Variants in FSTL5 observed in about 807,000 individuals in gnomAD.
FSTL5 encodes follistatin-related protein 5.
A neutral mutation model predicts 89.1 loss-of-function variants in FSTL5; 62 were observed. That is an observed-to-expected ratio of 0.70 (90% CI 0.57 to 0.86). The LOEUF (loss-of-function observed/expected upper bound fraction) is 0.86, where lower values mean the gene tolerates loss of function less well. FSTL5 is among the 40% of genes least tolerant of loss of function. The probability of loss-of-function intolerance (pLI) is 0.00; values close to 1 mark genes in which losing one functional copy is unlikely to be tolerated. For synonymous variants in FSTL5, 383 were observed against 346.2 expected, an observed-to-expected ratio of 1.11 and a Z score of -1.18; for missense variants, 1,057 against 1,001.6, an observed-to-expected ratio of 1.06 and a Z score of -0.75.
At chr4:161,466,872 TTA>T (rs1355977334) in intron 13 of FSTL5, among the ~76,000 whole-genome samples, 3 of 152,108 alleles carry the variant, frequency 2.0e-5, no homozygotes, top group African/African-American at 7.2e-5. Flanking sequence ...TAATAATTTA[TTA>T]TAGTTTTTAA....
chr4:161,479,480 T>C (rs1398848256), intron 13 of FSTL5, among the ~76,000 whole-genome samples: 1 of 152,100 alleles, frequency 6.6e-6, no homozygotes, highest in Admixed American at 6.6e-5. Context: ...ATTTCTAAAA[T>C]ATATTTCCAA....
intron 10 of FSTL5, 99 bp downstream of exon 10, chr4:161,538,067 G>T: frequency 9.4e-7 from 1 of 1,059,090 alleles, no homozygotes; most frequent in Non-Finnish European, 1.4e-6. Context: ...AATGCATTGT[G>T]CAATTCACAG....
intron 1 of FSTL5, among the ~76,000 whole-genome samples, chr4:162,160,184 T>C (rs1222892170): frequency 2.7e-5 from 4 of 149,176 alleles, no homozygotes; most frequent in African/African-American, 1.0e-4. Context: ...ACTTATACTA[T>C]TATTTAATTC....
rs930484589 is a variant in FSTL5, at chr4:161,927,099, T to C, written c.161-6447A>G. On this transcript the variant is annotated intron_variant, in intron 3 of 15. Coordinates refer to ENST00000306100, the MANE Select transcript of FSTL5 (RefSeq NM_020116.5). ...TTGAGTGACACTCAGAAAAAAGTGATTTTTTTGCTAAATAGTTAGCTGCCA... is the reference window on the plus strand; with the variant it reads ...TTGAGTGACACTCAGAAAAAAGTGACTTTTTTGCTAAATAGTTAGCTGCCA... Among the ~76,000 whole-genome samples, 34 of 151,916 alleles carry C rather than the reference T, an allele frequency of 2.2e-4. No individual in the cohort carries two copies. In the East Asian group the frequency reaches 6.4e-3, roughly 29 times the overall value.
intron 7 of FSTL5, among the ~76,000 whole-genome samples, chr4:161,622,176 A>G (rs1735155729): frequency 6.6e-6 from 1 of 152,144 alleles, no homozygotes; most frequent in Admixed American, 6.5e-5. Context: ...TTCAAGTTAA[A>G]CCAATAAACA....
rs147601161 is a variant in FSTL5, at chr4:162,040,869, C to T, written c.127-7211G>A. Among the ~76,000 whole-genome samples the T allele has an allele frequency of 8.6e-4, 130 of 151,752 alleles. 1 individual carries two copies. Among genetic ancestry groups the T allele is most frequent in the African/African-American group, 2.7e-3 (111 of 41,392 alleles). The stretch of plus-strand genomic sequence containing the variant: ...TCACTACTTCTAAGAATAATATATG[C>T]TTGTCCATTGTCTGTTCCTCCCACT... On this transcript the variant is annotated intron_variant, in intron 2 of 15. Transcript: ENST00000306100.
chr4:161,573,430 A>AG lies in FSTL5; in HGVS notation c.1015+14024_1015+14025insC, dbSNP rs1275432145. 6.3e-5 allele frequency among the ~76,000 whole-genome samples: 9 copies of AG among 142,268 alleles called. No individual in the cohort carries two copies. In the East Asian group the frequency reaches 8.4e-4, roughly 13 times the overall value. The allele number at this position is 142,268 out of a possible 152,430, so 93.3% of individuals were successfully genotyped here. A position where few individuals can be genotyped will look rare whatever the true frequency, so the allele number is the denominator to read the frequency against. On this transcript the variant is annotated intron_variant, in intron 8 of 15. Coordinates refer to ENST00000306100, the MANE Select transcript of FSTL5 (RefSeq NM_020116.5). Reference sequence around the variant, plus strand: ...ACCCTGTCAAAAAAAAAAAAAAAAAAAGAGAGAGAGAGATAAAAGAAAATA... The same window carrying AG: ...ACCCTGTCAAAAAAAAAAAAAAAAAAGAGAGAGAGAGAGATAAAAGAAAATA...
chr4:161,977,697 T>A (rs2111037410), intron 3 of FSTL5, among the ~76,000 whole-genome samples: 1 of 146,122 alleles, frequency 6.8e-6, no homozygotes, highest in Admixed American at 6.8e-5. Context: ...TGGCTAAAAA[T>A]AATTTGTTTT....
At chr4:162,053,282 G>A (rs1412159041) in intron 2 of FSTL5, among the ~76,000 whole-genome samples, 1 of 151,774 alleles carries the variant, frequency 6.6e-6, no homozygotes, top group African/African-American at 2.4e-5. Context: ...TGTAACCACA[G>A]TATGTCCTCT....
intron 3 of FSTL5, among the ~76,000 whole-genome samples, chr4:162,002,661 C>T (rs1736498455): frequency 6.6e-6 from 1 of 152,178 alleles, no homozygotes; most frequent in Admixed American, 6.5e-5. Context: ...AAAACAATAG[C>T]TCCAATCTAC....
At chr4:161,761,488 T>G (rs1740802259) in intron 5 of FSTL5, among the ~76,000 whole-genome samples, 1 of 152,232 alleles carries the variant, frequency 6.6e-6, no homozygotes, top group Non-Finnish European at 1.5e-5. Flanking sequence ...TTTTAATGAC[T>G]TTTAGTCTCT....
intron 15 of FSTL5, among the ~76,000 whole-genome samples, chr4:161,403,700 C>T (rs1731262202): frequency 6.6e-6 from 1 of 152,004 alleles, no homozygotes; most frequent in South Asian, 2.1e-4. Context: ...AATCATATGC[C>T]AAAAATATGG....
At chr4:161,738,746 G>C (rs994065924) in intron 6 of FSTL5, among the ~76,000 whole-genome samples, 2 of 151,888 alleles carry the variant, frequency 1.3e-5, no homozygotes, top group African/African-American at 4.8e-5. Flanking sequence ...AATCAAAACT[G>C]TTTGGCTTAA....
Position 162,071,532 on chromosome 4 carries a change from A to C in FSTL5, c.127-37874T>G, listed in dbSNP as rs570526719. Among the ~76,000 whole-genome samples the C allele has an allele frequency of 3.3e-5, 5 of 151,930 alleles. No individual in the cohort carries two copies. In the South Asian group the frequency reaches 6.2e-4, roughly 19 times the overall value. On this transcript the variant is annotated intron_variant, in intron 2 of 15. Coordinates refer to ENST00000306100, the MANE Select transcript of FSTL5 (RefSeq NM_020116.5). ...AGAGCTAAAGGAAGGAATAGACTCC[A>C]ATACAATAAGAGTTTAGGACTTCAA... is the stretch of plus-strand genomic sequence containing the variant.
chr4:161,927,635 C>CT (rs1491280473), intron 3 of FSTL5, among the ~76,000 whole-genome samples: 1 of 151,324 alleles, frequency 6.6e-6, no homozygotes, highest in Admixed American at 6.6e-5. Context: ...TTACAATATA[C>CT]TTTTTTCCTT....
At chr4:161,527,170 T>C (rs1278539153) in intron 10 of FSTL5, among the ~76,000 whole-genome samples, 2 of 152,170 alleles carry the variant, frequency 1.3e-5, no homozygotes, top group African/African-American at 2.4e-5. Flanking sequence ...CCCTTGTAAG[T>C]TGGATTCCTA....
rs1270742763 is a variant in FSTL5, at chr4:161,855,184, A to G, written c.409+65220T>C. On this transcript the variant is annotated intron_variant, in intron 4 of 15. Coordinates refer to ENST00000306100, the MANE Select transcript of FSTL5 (RefSeq NM_020116.5). ...TTAGGGGTAAATTAATTATATTACA[A>G]TAAATATAAAAATTAAGATTAGCAA... Among the ~76,000 whole-genome samples the G allele has an allele frequency of 1.4e-4, 21 of 152,050 alleles. 1 individual carries two copies. The highest frequency in any genetic ancestry group is 1.4e-3 in the Admixed American group (21 of 15,258).
intron 12 of FSTL5, among the ~76,000 whole-genome samples, chr4:161,481,716 A>C (rs978490291): frequency 3.3e-5 from 5 of 152,214 alleles, no homozygotes; most frequent in Non-Finnish European, 7.3e-5. Flanking sequence ...TCAAGGTCAA[A>C]TTGTATAAAA....
At chr4:161,783,516 T>A (rs943841865) in intron 4 of FSTL5, among the ~76,000 whole-genome samples, 2 of 150,460 alleles carry the variant, frequency 1.3e-5, no homozygotes, top group Non-Finnish European at 3.0e-5. Context: ...TTCAGTGCAT[T>A]ATGTCTTCTT....
Sources: allele counts gnomAD v4.1 joint callset (sites outside exome capture counted in the v4.1 genomes callset), GRCh38; gene constraint gnomAD v4.1.1; transcripts MANE v1.5; gene names NCBI Gene and HGNC (gene_info 2026-07-23, HGNC 2026-07-21).